The following RHBDD1 variants were observed in gnomAD, a reference collection of about 807,000 sequenced individuals.
RHBDD1 encodes the protein rhomboid-related protein 4.
A neutral mutation model predicts 36.3 loss-of-function variants in RHBDD1; 38 were observed. The observed-to-expected ratio is 1.05, with a 90% CI of 0.81 to 1.37. The LOEUF is 1.37. Ranked by LOEUF, RHBDD1 falls within the 40% of genes most tolerant of loss-of-function variation. The pLI is 0.00. For synonymous variants in RHBDD1, 151 were observed against 136.5 expected (o/e 1.11, Z -0.74); for missense variants, 393 against 377.6 (o/e 1.04, Z -0.34).
At chr2:226,915,262 G>A (rs1948818817) in intron 8 of RHBDD1, among the ~76,000 whole-genome samples, 1 of 152,170 alleles carries the variant, frequency 6.6e-6, no homozygotes, top group South Asian at 2.1e-4. Flanking sequence ...TCAAGAATGT[G>A]TAGAACTTGA....
rs764909731 is a variant in RHBDD1, at chr2:226,914,168, T to C, written c.713-40T>C. ...CAAAACAGGAAGTATAAAACAACAG[T>C]CCATAGCTGTGTTCTAGAACCTTTT... On this transcript the variant is annotated intron_variant, in intron 7 of 8. Coordinates refer to ENST00000392062, the MANE Select transcript of RHBDD1 (RefSeq NM_001167608.3). 1.1e-5 allele frequency: 18 copies of C among 1,602,478 alleles called. No individual in the cohort carries two copies. In the South Asian group the frequency reaches 2.0e-4, roughly 18 times the overall value.
intron 8 of RHBDD1, among the ~76,000 whole-genome samples, chr2:226,970,311 A>G (rs1467339218): frequency 1.3e-5 from 2 of 152,008 alleles, no homozygotes; most frequent in Non-Finnish European, 2.9e-5. Context: ...CCAGCTTCTC[A>G]TTTTTAGGAC....
Position 226,872,611 on chromosome 2 carries a change from T to C in RHBDD1, c.566+5293T>C, listed in dbSNP as rs972452412. ...TTTCAAGTTTTTGTGAAGTGATCAA[T>C]ATCAAATGTTTTTTGAATTGAATCA... On this transcript the variant is annotated intron_variant, in intron 5 of 8. Coordinates refer to ENST00000392062, the MANE Select transcript of RHBDD1 (RefSeq NM_001167608.3). Among the ~76,000 whole-genome samples, 4 of 152,224 alleles carry C rather than the reference T, an allele frequency of 2.6e-5. No homozygotes were observed. In the East Asian group the frequency reaches 5.8e-4, roughly 22 times the overall value.
At chr2:226,871,531 G>A (rs1944795841) in intron 5 of RHBDD1, among the ~76,000 whole-genome samples, 1 of 152,152 alleles carries the variant, frequency 6.6e-6, no homozygotes, top group Admixed American at 6.6e-5. Flanking sequence ...TATTGCCTTT[G>A]ATTATTGTAT....
chr2:226,883,915 C>A (rs376726001), intron 5 of RHBDD1, among the ~76,000 whole-genome samples: 1 of 152,120 alleles, frequency 6.6e-6, no homozygotes, highest in East Asian at 1.9e-4. Flanking sequence ...TATTTTGACT[C>A]GATTTTTTTT....
At chr2:226,853,450 TG>T in intron 3 of RHBDD1, among the ~76,000 whole-genome samples, 1 of 152,168 alleles carries the variant, frequency 6.6e-6, no homozygotes, top group Non-Finnish European at 1.5e-5. Context: ...GCCAGGCTGC[TG>T]GGGCGGCTCA....
intron 2 of RHBDD1, among the ~76,000 whole-genome samples, 189 bp from the exon 3 acceptor site, chr2:226,839,220 G>A (rs887770027): frequency 1.3e-5 from 2 of 151,998 alleles, no homozygotes; most frequent in African/African-American, 2.4e-5. Context: ...TCAGTATATT[G>A]GAATATGGGG....
At chr2:226,896,042 G>A (rs1272004631) in intron 5 of RHBDD1, among the ~76,000 whole-genome samples, 2 of 152,088 alleles carry the variant, frequency 1.3e-5, no homozygotes, top group Non-Finnish European at 2.9e-5. Flanking sequence ...GTATATTTGT[G>A]TGTCTGCATA....
intron 3 of RHBDD1, among the ~76,000 whole-genome samples, chr2:226,855,399 G>T (rs1396707861): frequency 1.3e-5 from 2 of 152,190 alleles, no homozygotes; most frequent in Admixed American, 6.5e-5. Flanking sequence ...CCCAGCTTGG[G>T]AGGCTGCAGT....
chr2:226,808,534 G>A, the RHBDD1 span: 1 of 152,186 alleles, frequency 6.6e-6, no homozygotes, highest in African/African-American at 2.4e-5. Context: ...TCATGTGTCT[G>A]GCACCTGCGT....
At chr2:226,857,142 T>C (rs1943410721) in intron 3 of RHBDD1, among the ~76,000 whole-genome samples, 2 of 152,198 alleles carry the variant, frequency 1.3e-5, no homozygotes, top group African/African-American at 4.8e-5. Flanking sequence ...CTTGTGTGTG[T>C]GCCTGTGAAC....
chr2:226,995,015 C>T (rs1311328050), intron 8 of RHBDD1, among the ~76,000 whole-genome samples: 1 of 151,970 alleles, frequency 6.6e-6, no homozygotes, highest in Non-Finnish European at 1.5e-5. Context: ...AGAAAAGGAG[C>T]ACCCAAAGGC....
At chr2:226,956,082 G>T (rs573793073) in intron 8 of RHBDD1, among the ~76,000 whole-genome samples, 4 of 152,284 alleles carry the variant, frequency 2.6e-5, no homozygotes, top group South Asian at 2.1e-4. Flanking sequence ...GATGAAATGA[G>T]TTGCACAGAT....
At chr2:226,838,687 A>G (rs1332368646) in intron 2 of RHBDD1, among the ~76,000 whole-genome samples, 1 of 152,258 alleles carries the variant, frequency 6.6e-6, no homozygotes, top group Non-Finnish European at 1.5e-5. Flanking sequence ...TTTATAAATG[A>G]GGTAATTTTA....
chr2:226,819,192 T>C, the RHBDD1 span, among the ~76,000 whole-genome samples: 3 of 152,218 alleles, frequency 2.0e-5, no homozygotes, highest in Admixed American at 2.0e-4. Context: ...ATATTCCACA[T>C]TCAGACTTAT....
intron 6 of RHBDD1, 70 bp downstream of exon 6, chr2:226,906,951 C>A: frequency 6.6e-7 from 1 of 1,505,088 alleles, no homozygotes; most frequent in Non-Finnish European, 9.2e-7. Flanking sequence ...TGAACAGAAG[C>A]AACCCCAAGT....
intron 5 of RHBDD1, chr2:226,895,627 G>C (rs1052016312): frequency 3.1e-6 from 3 of 977,332 alleles, no homozygotes; most frequent in Non-Finnish European, 3.6e-6. Flanking sequence ...ACTTACCTTT[G>C]CTTTTATTTA....
chr2:226,945,068 A>C (rs1950884860), intron 8 of RHBDD1, among the ~76,000 whole-genome samples: 1 of 151,912 alleles, frequency 6.6e-6, no homozygotes, highest in African/African-American at 2.4e-5. Context: ...GTAGGAATCA[A>C]GTTGTGAAGG....
intron 5 of RHBDD1, among the ~76,000 whole-genome samples, chr2:226,898,570 C>T (rs1035480315): frequency 6.6e-6 from 1 of 152,100 alleles, no homozygotes; most frequent in African/African-American, 2.4e-5. Context: ...TGGTAGAGAG[C>T]ATGTAGACCA....
Sources: allele counts gnomAD v4.1 joint callset (sites outside exome capture counted in the v4.1 genomes callset), GRCh38; gene constraint gnomAD v4.1.1; transcripts MANE v1.5; gene names NCBI Gene and HGNC (gene_info 2026-07-23, HGNC 2026-07-21).